Variants in PPFIA2 observed in about 807,000 individuals in gnomAD.
PPFIA2 encodes liprin-alpha-2.
PPFIA2 carries 46 observed loss-of-function variants against 175.5 expected under a neutral mutation model. That is an observed-to-expected ratio of 0.26 (90% CI 0.21 to 0.34). PPFIA2 has a LOEUF of 0.34. PPFIA2 is among the 10% of genes least tolerant of loss of function. The pLI, the probability that PPFIA2 is intolerant of heterozygous loss-of-function variation, is 1.00. For synonymous variants in PPFIA2, 568 were observed against 511.4 expected (o/e 1.11, Z -1.49); for missense variants, 1,179 against 1,506.1 (o/e 0.78, Z 3.60).
In PPFIA2 at chr12:81,742,402, T is replaced by G. The variant is rs150796005; in HGVS notation, c.249+11571A>C. Among the ~76,000 whole-genome samples the G allele has an allele frequency of 4.5e-3, 689 of 152,252 alleles. 10 individuals are homozygous for G. Among genetic ancestry groups the G allele is most frequent in the African/African-American group, 0.015 (643 of 41,544 alleles). The stretch of plus-strand genomic sequence containing the variant: ...GACTAGGATGGAGTTGCAGAGGTAC[T>G]TATAGTGGTTCAATTCTGCACATAC... On this transcript the variant is annotated intron_variant, in intron 3 of 32. Transcript: ENST00000549396.
Position 81,752,873 on chromosome 12 carries a change from G to C in PPFIA2, c.249+1100C>G, listed in dbSNP as rs113763100. Among the ~76,000 whole-genome samples, 356 of 151,934 alleles carry C rather than the reference G, an allele frequency of 2.3e-3. 2 individuals carry two copies. The highest frequency in any genetic ancestry group is 7.8e-3 in the African/African-American group (324 of 41,452). ...GAAAGTTTTAGTTTAATGGGGGTGA[G>C]TATCAAAAATCCCATTCATTTTTAT... On this transcript the variant is annotated intron_variant, in intron 3 of 32. Transcript: ENST00000549396.
Position 81,650,380 on chromosome 12 carries a change from C to G in PPFIA2, c.303+26411G>C, listed in dbSNP as rs565614779. Among the ~76,000 whole-genome samples the G allele has an allele frequency of 2.7e-3, 405 of 151,852 alleles. 1 individual carries two copies. Among genetic ancestry groups the G allele is most frequent in the Non-Finnish European group, 5.1e-3 (346 of 67,978 alleles). ...ACCTGAGTAAAAAAATTAAATATAC[C>G]GGATAACTTGTACTATTAGTCTTTA... On this transcript the variant is annotated intron_variant, in intron 4 of 32. Coordinates refer to ENST00000549396, the MANE Select transcript of PPFIA2 (RefSeq NM_003625.5).
chr12:81,345,510 C>T (rs1297192585), intron 18 of PPFIA2, among the ~76,000 whole-genome samples: 1 of 152,062 alleles, frequency 6.6e-6, no homozygotes, highest in Non-Finnish European at 1.5e-5. Flanking sequence ...CACACACACA[C>T]AATCACATCT....
chr12:81,724,503 AGTGTTTATTATTT>A (rs2079780776), intron 3 of PPFIA2, among the ~76,000 whole-genome samples: 1 of 150,706 alleles, frequency 6.6e-6, no homozygotes, highest in Non-Finnish European at 1.5e-5. Context: ...CTGAGTCTCC[AGTGTTTATTATTT>A]CACTCTCTTA....
intron 4 of PPFIA2, among the ~76,000 whole-genome samples, chr12:81,649,592 G>T (rs968865152): frequency 9.2e-5 from 14 of 152,194 alleles, no homozygotes; most frequent in African/African-American, 3.4e-4. Flanking sequence ...ATATATATTT[G>T]AATATTTAGA....
chr12:81,579,450 T>G (rs1290926848), intron 4 of PPFIA2, among the ~76,000 whole-genome samples: 2 of 151,842 alleles, frequency 1.3e-5, no homozygotes, highest in Non-Finnish European at 2.9e-5. Context: ...CGAATATCAT[T>G]CCTGACATGG....
chr12:81,381,075 G>A (rs1371408639), intron 9 of PPFIA2, among the ~76,000 whole-genome samples: 3 of 150,364 alleles, frequency 2.0e-5, no homozygotes, highest in Admixed American at 6.7e-5. Flanking sequence ...TTTCATCAAC[G>A]CCATCAGTTC....
At chr12:81,454,234 G>GA (rs2053187972) in intron 5 of PPFIA2, among the ~76,000 whole-genome samples, 1 of 151,944 alleles carries the variant, frequency 6.6e-6, no homozygotes, top group Non-Finnish European at 1.5e-5. Context: ...ATTAAAAAAA[G>GA]AAAAAAATAA....
intron 4 of PPFIA2, among the ~76,000 whole-genome samples, chr12:81,662,110 A>T (rs2153549069): frequency 6.6e-6 from 1 of 152,306 alleles, no homozygotes; most frequent in East Asian, 1.9e-4. Flanking sequence ...AAGATCTAAA[A>T]TTGACACCCT....
At chr12:81,639,318 T>A (rs193187769) in intron 4 of PPFIA2, among the ~76,000 whole-genome samples, 1 of 152,004 alleles carries the variant, frequency 6.6e-6, no homozygotes, top group Admixed American at 6.6e-5. Context: ...CCAAATACCA[T>A]CTGCAAGAAA....
chr12:81,419,565 G>C (rs1048158744), intron 7 of PPFIA2, among the ~76,000 whole-genome samples: 1 of 151,704 alleles, frequency 6.6e-6, no homozygotes. Context: ...ACTTTTCTAA[G>C]ATGGAATCCC....
intron 4 of PPFIA2, among the ~76,000 whole-genome samples, chr12:81,638,980 C>G (rs2064549628): frequency 1.3e-5 from 2 of 152,086 alleles, no homozygotes; most frequent in Non-Finnish European, 2.9e-5. Context: ...AGCCACCGCG[C>G]CCGGCCTGTT....
chr12:81,447,248 A>G (rs1351588586), intron 5 of PPFIA2, among the ~76,000 whole-genome samples: 3 of 152,086 alleles, frequency 2.0e-5, no homozygotes. Flanking sequence ...TATTCTCTCA[A>G]ATTCTTTAGA....
intron 4 of PPFIA2, among the ~76,000 whole-genome samples, chr12:81,464,256 A>G (rs1164785001): frequency 6.6e-6 from 1 of 152,122 alleles, no homozygotes; most frequent in Non-Finnish European, 1.5e-5. Context: ...AGTACTAAGT[A>G]TATGCTGGGT....
At chr12:81,347,998 T>G (rs1566331307) in intron 17 of PPFIA2, among the ~76,000 whole-genome samples, 1 of 152,026 alleles carries the variant, frequency 6.6e-6, no homozygotes, top group African/African-American at 2.4e-5. Context: ...AAATGATACA[T>G]TTTTTCCTGA....
At chr12:81,725,984 T>C (rs1427423558) in intron 3 of PPFIA2, among the ~76,000 whole-genome samples, 1 of 150,978 alleles carries the variant, frequency 6.6e-6, no homozygotes, top group African/African-American at 2.4e-5. Flanking sequence ...TCACCTCTTC[T>C]AGACTCAAAC....
At chr12:81,508,521 CAAAAAAAAAAA>C (rs544893385) in intron 4 of PPFIA2, among the ~76,000 whole-genome samples, 2 of 44,814 alleles carry the variant, frequency 4.5e-5, no homozygotes, top group African/African-American at 7.6e-5. Flanking sequence ...AATTCCACCT[CAAAAAAAAAAA>C]AAAAAAAAAA....
chr12:81,524,808 T>A (rs137935099), intron 4 of PPFIA2, among the ~76,000 whole-genome samples: 1 of 152,322 alleles, frequency 6.6e-6, no homozygotes, highest in African/African-American at 2.4e-5. Context: ...AATTCATATG[T>A]TCAAACCCTA....
intron 4 of PPFIA2, among the ~76,000 whole-genome samples, chr12:81,548,828 T>C (rs1345150800): frequency 3.9e-5 from 6 of 152,158 alleles, no homozygotes; most frequent in African/African-American, 1.4e-4. Context: ...TGAATAAATG[T>C]TAAGCAAATT....
Sources: allele counts gnomAD v4.1 joint callset (sites outside exome capture counted in the v4.1 genomes callset), GRCh38; gene constraint gnomAD v4.1.1; transcripts MANE v1.5; gene names NCBI Gene and HGNC (gene_info 2026-07-23, HGNC 2026-07-21).